The following RARB variants were observed in gnomAD, a reference collection of about 807,000 sequenced individuals.
RARB encodes the protein retinoic acid receptor beta, also known as HBV-activated protein.
RARB carries 17 observed loss-of-function variants against 51.9 expected under a neutral mutation model. The ratio of observed to expected loss-of-function variants is 0.33; its 90% confidence interval spans 0.22 to 0.49. The LOEUF is 0.49. Among genes scored for constraint, RARB ranks in the 20% least tolerant of loss-of-function variants. The probability of loss-of-function intolerance (pLI) is 0.99; values close to 1 mark genes in which losing one functional copy is unlikely to be tolerated. For synonymous variants in RARB, 215 were observed against 195.4 expected, an observed-to-expected ratio of 1.10 and a Z score of -0.84; for missense variants, 369 against 550.8, an observed-to-expected ratio of 0.67 and a Z score of 3.30.
rs141617215 is a variant in RARB at position 25,151,761 on chromosome 3, C to T, written c.-280+19553C>T. On this transcript the variant is annotated intron_variant, in intron 4 of 11. Coordinates refer to the RARB transcript ENST00000383772. ...TGGATGTCCTTTTGCTCCCTGAACA[C>T]GTCTCAAAGGAATGTTTGTTATTAG... 2.7e-3 allele frequency among the ~76,000 whole-genome samples: 410 copies of T among 152,298 alleles called. 3 individuals are homozygous for T. Among genetic ancestry groups the T allele is most frequent in the African/African-American group, 9.1e-3 (378 of 41,556 alleles).
intron 5 of RARB, among the ~76,000 whole-genome samples, chr3:25,351,312 T>A (rs1292321062): frequency 6.6e-6 from 1 of 152,128 alleles, no homozygotes; most frequent in African/African-American, 2.4e-5. Context: ...ATATTTTTTC[T>A]TTTTTTCTAT....
intron 1 of RARB, among the ~76,000 whole-genome samples, chr3:25,453,959 G>T (rs555899340): frequency 1.3e-5 from 2 of 152,278 alleles, no homozygotes; most frequent in Admixed American, 1.3e-4. Context: ...AGTTTTTCTT[G>T]TTTGGCAATT....
rs112597828 is a variant in RARB, at chr3:25,265,182, C to G, written c.178+90607C>G. Among the ~76,000 whole-genome samples, 421 of 152,220 alleles carry G rather than the reference C, an allele frequency of 2.8e-3. 2 individuals are homozygous for G. Among genetic ancestry groups the G allele is most frequent in the African/African-American group, 9.8e-3 (408 of 41,522 alleles). The stretch of plus-strand genomic sequence containing the variant: ...AGCCCAAATGGACTAAGAGTAATAG[C>G]TTTGTATTCTGTGGTTACAATAGAG... On this transcript the variant is annotated intron_variant, in intron 5 of 11. Transcript: ENST00000383772.
intron 2 of RARB, among the ~76,000 whole-genome samples, chr3:25,491,276 C>A (rs1696722167): frequency 6.6e-6 from 1 of 152,000 alleles, no homozygotes; most frequent in Non-Finnish European, 1.5e-5. Context: ...TCCCCCTGCA[C>A]CCCCACCCCC....
intron 2 of RARB, among the ~76,000 whole-genome samples, chr3:25,055,832 C>T (rs1481884637): frequency 6.6e-6 from 1 of 152,042 alleles, no homozygotes; most frequent in African/African-American, 2.4e-5. Context: ...TGCAGCAAGC[C>T]TCCAAAAAGA....
intron 5 of RARB, among the ~76,000 whole-genome samples, chr3:25,191,353 A>G (rs1015365981): frequency 2.2e-4 from 34 of 152,068 alleles, no homozygotes; most frequent in African/African-American, 9.7e-5. Flanking sequence ...TATATCTCTA[A>G]TAAAGAATTT....
chr3:25,493,646 G>A (rs939780538), intron 2 of RARB, among the ~76,000 whole-genome samples: 1 of 152,154 alleles, frequency 6.6e-6, no homozygotes, highest in Non-Finnish European at 1.5e-5. Context: ...TGCTCTAGAA[G>A]GAGAAATTAT....
intron 2 of RARB, among the ~76,000 whole-genome samples, chr3:25,014,286 G>T (rs1697461544): frequency 6.6e-6 from 1 of 151,930 alleles, no homozygotes; most frequent in South Asian, 2.1e-4. Flanking sequence ...GAATGTGCTG[G>T]GTTCATGTTG....
At chr3:25,215,678 C>T (rs181819246) in intron 5 of RARB, among the ~76,000 whole-genome samples, 1 of 152,274 alleles carries the variant, frequency 6.6e-6, no homozygotes, top group African/African-American at 2.4e-5. Context: ...TGAAACCAGC[C>T]TTTCCTGGTA....
intron 4 of RARB, among the ~76,000 whole-genome samples, chr3:25,164,520 C>T (rs796237402): frequency 2.0e-5 from 3 of 152,212 alleles, no homozygotes; most frequent in African/African-American, 7.2e-5. Context: ...AAAATTCTTG[C>T]TTTTTTGTTG....
intron 5 of RARB, among the ~76,000 whole-genome samples, chr3:25,190,447 C>G (rs1422808714): frequency 6.6e-6 from 1 of 152,056 alleles, no homozygotes; most frequent in African/African-American, 2.4e-5. Context: ...TAAAGTATTT[C>G]TAATCTTACT....
intron 2 of RARB, among the ~76,000 whole-genome samples, chr3:25,052,911 G>A (rs1436601523): frequency 3.3e-5 from 5 of 152,006 alleles, no homozygotes; most frequent in African/African-American, 1.2e-4. Flanking sequence ...ATTCTAGATT[G>A]TGAGATGCTG....
chr3:25,382,924 G>A (rs1179780149), intron 5 of RARB, among the ~76,000 whole-genome samples: 3 of 152,100 alleles, frequency 2.0e-5, no homozygotes, highest in Non-Finnish European at 2.9e-5. Context: ...ACTTCCCAAA[G>A]CAACAGTAGA....
At chr3:24,997,116 T>C (rs1360864960) in intron 2 of RARB, among the ~76,000 whole-genome samples, 2 of 149,670 alleles carry the variant, frequency 1.3e-5, no homozygotes, top group Non-Finnish European at 3.0e-5. Context: ...TAATAATATT[T>C]ACTTTATATA....
intron 3 of RARB, among the ~76,000 whole-genome samples, chr3:25,523,848 A>C (rs1401982406): frequency 2.0e-5 from 3 of 152,246 alleles, no homozygotes; most frequent in African/African-American, 7.2e-5. Context: ...TCTTGTTCAC[A>C]GGACCTATTA....
chr3:25,080,682 A>T (rs995478116), intron 3 of RARB, among the ~76,000 whole-genome samples: 3 of 152,146 alleles, frequency 2.0e-5, no homozygotes, highest in African/African-American at 7.2e-5. Context: ...TGAGCATTTC[A>T]TGTGCTTATT....
intron 5 of RARB, among the ~76,000 whole-genome samples, chr3:25,414,817 G>T (rs1286887712): frequency 6.6e-6 from 1 of 152,138 alleles, no homozygotes; most frequent in African/African-American, 2.4e-5. Flanking sequence ...TAAAATTCTA[G>T]TTACAAATCC....
chr3:25,043,967 T>C (rs1414526667), intron 2 of RARB, among the ~76,000 whole-genome samples: 1 of 152,166 alleles, frequency 6.6e-6, no homozygotes, highest in Non-Finnish European at 1.5e-5. Flanking sequence ...TGTGTGGATA[T>C]GGAGTGCAAG....
At chr3:24,957,344 A>C (rs528701738) in intron 2 of RARB, among the ~76,000 whole-genome samples, 51 of 152,330 alleles carry the variant, frequency 3.3e-4, no homozygotes, top group Middle Eastern at 3.4e-3. Context: ...CAGACCTTCA[A>C]GTTTTAACAA....
Sources: gnomAD v4.1 joint callset for allele counts (sites outside exome capture counted in the v4.1 genomes callset) on GRCh38, gnomAD v4.1.1 for gene constraint, MANE v1.5 for transcripts, NCBI Gene and HGNC (gene_info 2026-07-23, HGNC 2026-07-21) for gene names.